Variants in RALB observed in about 807,000 individuals in gnomAD.
RALB encodes the protein ras-related protein Ral-B.
Under a neutral mutation model 21.3 loss-of-function variants are expected in RALB, and 16 were observed. The observed-to-expected ratio is 0.75, with a 90% CI of 0.51 to 1.14. The LOEUF (loss-of-function observed/expected upper bound fraction) is 1.14, where lower values mean the gene tolerates loss of function less well. Ranked by LOEUF, RALB falls within the 50% of genes most tolerant of loss-of-function variation. The pLI is 0.00. For synonymous variants in RALB, 93 were observed against 96.1 expected (o/e 0.97, Z 0.19); for missense variants, 161 against 256.2 (o/e 0.63, Z 2.54).
chr2:120,246,918 G>A (rs886172754), intron 1 of RALB, among the ~76,000 whole-genome samples: 4 of 152,226 alleles, frequency 2.6e-5, no homozygotes, highest in African/African-American at 9.6e-5. Context: ...GGCTGAGCAG[G>A]GTCCTGTCAT....
At position 120,286,110 on chromosome 2, in the gene RALB, C is replaced by T. The variant is rs944330287; in HGVS notation, c.323+28C>T. 1.9e-6 allele frequency: 3 copies of T among 1,604,138 alleles called. No homozygotes were observed. In the African/African-American group the frequency reaches 4.0e-5, roughly 22 times the overall value. On this transcript the variant is annotated intron_variant, in intron 3 of 4. Coordinates refer to ENST00000272519, the MANE Select transcript of RALB (RefSeq NM_002881.3). Reference sequence around the variant, plus strand: ...ATGTCTGAAATGAAATAGCAGAAGCCCCCAGGAAGCTTTTTGCCTTTTCTC... The same window carrying T: ...ATGTCTGAAATGAAATAGCAGAAGCTCCCAGGAAGCTTTTTGCCTTTTCTC...
intron 1 of RALB, among the ~76,000 whole-genome samples, chr2:120,257,943 G>C (rs1278287959): frequency 6.6e-6 from 1 of 152,124 alleles, no homozygotes; most frequent in African/African-American, 2.4e-5. Flanking sequence ...TGTTCATGTA[G>C]TAAACACTGC....
chr2:120,248,259 G>A (rs1421798347), upstream of RALB, among the ~76,000 whole-genome samples: 6 of 152,246 alleles, frequency 3.9e-5, no homozygotes, highest in African/African-American at 1.2e-4. Context: ...GAAGCTTGCC[G>A]GGCCTCTTTC....
intron 2 of RALB, among the ~76,000 whole-genome samples, chr2:120,284,339 T>G (rs1378388676): frequency 2.6e-5 from 4 of 152,236 alleles, no homozygotes; most frequent in Non-Finnish European, 5.9e-5. Context: ...GTTAAAAAAA[T>G]TTTAAATCAC....
intron 1 of RALB, among the ~76,000 whole-genome samples, chr2:120,257,015 G>A (rs562638869): frequency 2.5e-4 from 38 of 152,288 alleles, no homozygotes; most frequent in African/African-American, 8.4e-4. Context: ...CTTTCTTCCG[G>A]TTCTTTGTTA....
intron 4 of RALB, among the ~76,000 whole-genome samples, chr2:120,291,266 T>G (rs1376493421): frequency 6.6e-6 from 1 of 152,258 alleles, no homozygotes; most frequent in Non-Finnish European, 1.5e-5. Flanking sequence ...CCTAAGTCCG[T>G]TTAGTTGTAA....
chr2:120,268,578 T>TG (rs1558950328), intron 1 of RALB, among the ~76,000 whole-genome samples: 16 of 152,064 alleles, frequency 1.1e-4, no homozygotes, highest in Non-Finnish European at 1.5e-5. Context: ...GGAGTGTGTG[T>TG]GGGGGGTGTT....
chr2:120,263,887 G>A (rs1175058007), intron 1 of RALB, among the ~76,000 whole-genome samples: 7 of 149,766 alleles, frequency 4.7e-5, no homozygotes, highest in African/African-American at 1.5e-4. Flanking sequence ...TTGCTCTGTC[G>A]CCCAGGCTGG....
intron 1 of RALB, 29 bp from the exon 2 acceptor site, chr2:120,278,589 C>T (rs1052149051): frequency 5.7e-6 from 8 of 1,415,604 alleles, no homozygotes; most frequent in Middle Eastern, 1.8e-4. Context: ...AGCAAATCGC[C>T]TCTAAGTCTT....
At chr2:120,259,366 G>A (rs935221443) in intron 1 of RALB, among the ~76,000 whole-genome samples, 44 of 151,974 alleles carry the variant, frequency 2.9e-4, no homozygotes, top group African/African-American at 1.0e-3. Context: ...GGTTCTCCAC[G>A]TCCCCATCAG....
At chr2:120,254,876 A>G (rs1304305915) in intron 1 of RALB, among the ~76,000 whole-genome samples, 1 of 152,152 alleles carries the variant, frequency 6.6e-6, no homozygotes, top group East Asian at 1.9e-4. Flanking sequence ...GGGTTTCACC[A>G]TGTTGCCCAG....
chr2:120,283,676 A>G (rs1244077991), intron 2 of RALB, among the ~76,000 whole-genome samples: 2 of 152,220 alleles, frequency 1.3e-5, no homozygotes, highest in African/African-American at 2.4e-5. Flanking sequence ...TTTGGCAGCA[A>G]CCGTTTCAGA....
At chr2:120,274,645 TAGTG>T (rs1308541927) in intron 1 of RALB, among the ~76,000 whole-genome samples, 8 of 152,218 alleles carry the variant, frequency 5.3e-5, no homozygotes, top group African/African-American at 7.2e-5. Context: ...ACACAGTTAA[TAGTG>T]AGTATCTCTG....
intron 1 of RALB, among the ~76,000 whole-genome samples, chr2:120,272,867 TTGTAC>T (rs1689699827): frequency 6.6e-6 from 1 of 152,214 alleles, no homozygotes; most frequent in Admixed American, 6.5e-5. Flanking sequence ...ATTTATTATC[TTGTAC>T]TGTAATCATT....
Position 120,294,463 on chromosome 2 carries a change from CTG to C in RALB, c.*1204_*1205del, listed in dbSNP as rs1165028940. The C allele has an allele frequency of 2.6e-6, 1 of 391,998 alleles. No individual in the cohort carries two copies. The allele number at this position is 391,998 out of a possible 1,614,324, so 24.3% of individuals were successfully genotyped here. A position where few individuals can be genotyped will look rare whatever the true frequency, so the allele number is the denominator to read the frequency against. ...GCATCAGTATTCTAAATTGAGCAAA[CTG>C]AAAGATTTTCATCAGGAAAGGAGCA... On this transcript the variant is annotated 3_prime_UTR_variant, in exon 5 of 5. Coordinates refer to ENST00000272519, the MANE Select transcript of RALB (RefSeq NM_002881.3).
At chr2:120,257,395 C>T (rs760747133) in intron 1 of RALB, among the ~76,000 whole-genome samples, 3 of 152,156 alleles carry the variant, frequency 2.0e-5, no homozygotes, top group Non-Finnish European at 4.4e-5. Context: ...CTTTTAGCTC[C>T]AGATGAAATC....
At chr2:120,270,470 G>T (rs1689635422) in intron 1 of RALB, among the ~76,000 whole-genome samples, 1 of 152,230 alleles carries the variant, frequency 6.6e-6, no homozygotes, top group South Asian at 2.1e-4. Context: ...GTGTTCGAGT[G>T]AGCTGAGGAG....
At chr2:120,285,561 A>C (rs1200050985) in intron 2 of RALB, among the ~76,000 whole-genome samples, 4 of 85,668 alleles carry the variant, frequency 4.7e-5, no homozygotes, top group African/African-American at 1.6e-4. Context: ...CTAAAACTTA[A>C]AGTATAATTA....
Position 120,273,830 on chromosome 2 carries a change from A to G in RALB, c.-47-4788A>G, listed in dbSNP as rs142821588. Among the ~76,000 whole-genome samples, 335 of 152,300 alleles carry G rather than the reference A, an allele frequency of 2.2e-3. 2 individuals are homozygous for G. Among genetic ancestry groups the G allele is most frequent in the African/African-American group, 7.5e-3 (313 of 41,560 alleles). On this transcript the variant is annotated intron_variant, in intron 1 of 4. Transcript: ENST00000272519. ...TGAGGGGCATGTGGTCAGCACCTCTACCTTCCCTGTTCTTTCCCTTAATTA... is the reference window on the plus strand; with the variant it reads ...TGAGGGGCATGTGGTCAGCACCTCTGCCTTCCCTGTTCTTTCCCTTAATTA...
Sources: allele counts gnomAD v4.1 joint callset (sites outside exome capture counted in the v4.1 genomes callset), GRCh38; gene constraint gnomAD v4.1.1; transcripts MANE v1.5; gene names NCBI Gene and HGNC (gene_info 2026-07-23, HGNC 2026-07-21).